SKAP1: variants seen among roughly 807,000 people sequenced by gnomAD.
The protein encoded by SKAP1 is src kinase associated phosphoprotein 1, also known as src kinase-associated phosphoprotein 1.
A neutral mutation model predicts 58.5 loss-of-function variants in SKAP1; 44 were observed. That is an observed-to-expected ratio of 0.75 (90% CI 0.59 to 0.97). The LOEUF (loss-of-function observed/expected upper bound fraction) is 0.97. Ranked by LOEUF, SKAP1 falls within the 50% of genes least tolerant of loss-of-function variation. The pLI is 0.00. For synonymous variants in SKAP1, 127 were observed against 149.7 expected, an observed-to-expected ratio of 0.85 and a Z score of 1.11; for missense variants, 390 against 435.2, an observed-to-expected ratio of 0.90 and a Z score of 0.92.
intron 4 of SKAP1, among the ~76,000 whole-genome samples, chr17:48,303,553 T>G (rs551596251): frequency 6.6e-6 from 1 of 152,236 alleles, no homozygotes; most frequent in Admixed American, 6.5e-5. Flanking sequence ...AAGACCATAT[T>G]GAACACACAT....
chr17:48,254,517 T>A (rs932458663), intron 4 of SKAP1, among the ~76,000 whole-genome samples: 2 of 151,916 alleles, frequency 1.3e-5, no homozygotes, highest in African/African-American at 4.8e-5. Context: ...TATATATAGA[T>A]GTATTGTTAA....
chr17:48,374,823 T>C (rs2067132363), intron 2 of SKAP1, among the ~76,000 whole-genome samples: 1 of 152,022 alleles, frequency 6.6e-6, no homozygotes, highest in Non-Finnish European at 1.5e-5. Flanking sequence ...ACAACAGAAA[T>C]GGGAAAACAG....
chr17:48,287,084 A>G (rs998188899), intron 4 of SKAP1, among the ~76,000 whole-genome samples: 3 of 147,982 alleles, frequency 2.0e-5, no homozygotes, highest in African/African-American at 7.7e-5. Context: ...GCGACAGAGC[A>G]AGACTCCGTC....
At chr17:48,336,658 C>A (rs549093157) in intron 4 of SKAP1, among the ~76,000 whole-genome samples, 1 of 151,250 alleles carries the variant, frequency 6.6e-6, no homozygotes, top group Non-Finnish European at 1.5e-5. Flanking sequence ...GAAAGATGTC[C>A]GGCAAAGGGA....
chr17:48,324,931 T>C (rs1270091284), intron 4 of SKAP1, among the ~76,000 whole-genome samples: 1 of 152,006 alleles, frequency 6.6e-6, no homozygotes, highest in Non-Finnish European at 1.5e-5. Flanking sequence ...GCCTGATACA[T>C]TTCTATTGCT....
At chr17:48,275,522 C>T (rs1184442906) in intron 4 of SKAP1, among the ~76,000 whole-genome samples, 1 of 152,178 alleles carries the variant, frequency 6.6e-6, no homozygotes, top group Admixed American at 6.5e-5. Context: ...TACAAGGGAT[C>T]TTAAATCTTT....
intron 4 of SKAP1, among the ~76,000 whole-genome samples, chr17:48,285,614 GAA>G (rs11356632): frequency 0.24 from 30,455 of 128,496 alleles, 3,072 homozygotes; most frequent in Admixed American, 0.25. Context: ...GACTCCATCT[GAA>G]AAAAAAAAAA....
chr17:48,216,261 A>G (rs536100661), intron 4 of SKAP1, among the ~76,000 whole-genome samples: 1 of 152,310 alleles, frequency 6.6e-6, no homozygotes, highest in African/African-American at 2.4e-5. Flanking sequence ...GCCAGCTACA[A>G]CTTGATCTTG....
intron 4 of SKAP1, among the ~76,000 whole-genome samples, chr17:48,224,845 G>C (rs1159670671): frequency 6.6e-6 from 1 of 152,056 alleles, no homozygotes; most frequent in African/African-American, 2.4e-5. Flanking sequence ...AGTTTATATT[G>C]CATACATATA....
intron 4 of SKAP1, among the ~76,000 whole-genome samples, chr17:48,194,771 T>A (rs921912459): frequency 6.6e-6 from 1 of 152,246 alleles, no homozygotes; most frequent in Non-Finnish European, 1.5e-5. Context: ...TCCTTTTAAT[T>A]CAAGTTCTTT....
At chr17:48,267,331 T>C (rs2065564654) in intron 4 of SKAP1, among the ~76,000 whole-genome samples, 2 of 152,224 alleles carry the variant, frequency 1.3e-5, no homozygotes, top group Admixed American at 6.5e-5. Flanking sequence ...TACTTTGTTC[T>C]CACAATCAAA....
At chr17:48,235,922 T>C (rs1439614130) in intron 4 of SKAP1, among the ~76,000 whole-genome samples, 1 of 152,204 alleles carries the variant, frequency 6.6e-6, no homozygotes, top group African/African-American at 2.4e-5. Flanking sequence ...GGGACCACAC[T>C]TGCTTTTCTT....
intron 4 of SKAP1, among the ~76,000 whole-genome samples, chr17:48,317,777 T>G (rs1055267589): frequency 1.3e-5 from 2 of 152,044 alleles, no homozygotes; most frequent in African/African-American, 4.8e-5. Context: ...TATCAATGGC[T>G]GAAACTAGAA....
chr17:48,301,275 G>A (rs2066052697), intron 4 of SKAP1, among the ~76,000 whole-genome samples: 1 of 152,090 alleles, frequency 6.6e-6, no homozygotes, highest in Admixed American at 6.6e-5. Flanking sequence ...CTTGGAAGAT[G>A]AGCAAAGATC....
At chr17:48,361,956 T>C (rs2066944193) in intron 3 of SKAP1, among the ~76,000 whole-genome samples, 1 of 152,172 alleles carries the variant, frequency 6.6e-6, no homozygotes, top group African/African-American at 2.4e-5. Flanking sequence ...AGGTAAAAGA[T>C]ACCCTCTCAC....
chr17:48,236,642 A>G (rs917466649), intron 4 of SKAP1, among the ~76,000 whole-genome samples: 1 of 152,250 alleles, frequency 6.6e-6, no homozygotes, highest in African/African-American at 2.4e-5. Context: ...AGGAACGAAT[A>G]GGATGTTAAC....
intron 4 of SKAP1, among the ~76,000 whole-genome samples, chr17:48,276,540 GA>G (rs1273218401): frequency 6.6e-6 from 1 of 152,232 alleles, no homozygotes; most frequent in Non-Finnish European, 1.5e-5. Context: ...TTAGGAAGCA[GA>G]AGGGGTGATG....
chr17:48,169,901 G>T (rs2064186763), intron 10 of SKAP1, among the ~76,000 whole-genome samples: 1 of 152,090 alleles, frequency 6.6e-6, no homozygotes, highest in African/African-American at 2.4e-5. Flanking sequence ...CTCTGCCGAC[G>T]GAACGAATGT....
At chr17:48,222,726 C>T (rs1405355815) in intron 4 of SKAP1, among the ~76,000 whole-genome samples, 5 of 151,640 alleles carry the variant, frequency 3.3e-5, no homozygotes, top group Non-Finnish European at 5.9e-5. Flanking sequence ...GATACGCCCA[C>T]CTCGGCCTCC....
Sources: allele counts gnomAD v4.1 joint callset (sites outside exome capture counted in the v4.1 genomes callset), GRCh38; gene constraint gnomAD v4.1.1; transcripts MANE v1.5; gene names NCBI Gene and HGNC (gene_info 2026-07-23, HGNC 2026-07-21).